CHST12: variants seen among roughly 807,000 people sequenced by gnomAD.
CHST12 encodes the protein carbohydrate (chondroitin 4) sulfotransferase 12.
CHST12 carries 23 observed loss-of-function variants against 27.9 expected under a neutral mutation model. The observed-to-expected ratio is 0.82, with a 90% CI of 0.59 to 1.17. The LOEUF (loss-of-function observed/expected upper bound fraction) is 1.17. CHST12 is among the 50% of genes most tolerant of loss of function. The pLI is 0.00. For missense variants in CHST12, 682 were observed against 603.0 expected (o/e 1.13, Z -1.37); for synonymous variants, 322 against 273.0 (o/e 1.18, Z -1.77).
At chr7:2,427,660 A>G (rs997191232) in intron 1 of CHST12, among the ~76,000 whole-genome samples, 2 of 152,036 alleles carry the variant, frequency 1.3e-5, no homozygotes, top group Non-Finnish European at 2.9e-5. Context: ...CCTCTTTGCT[A>G]AGTTTGCTGA....
Position 2,433,836 on chromosome 7 carries a change from C to G in CHST12, c.1197C>G (p.Asp399Glu), listed in dbSNP as rs1782386470. The G allele has an allele frequency of 6.2e-7, 1 of 1,602,208 alleles. No homozygotes were observed. Among genetic ancestry groups the G allele is most frequent in the Non-Finnish European group, 8.5e-7 (1 of 1,171,230 alleles). The change falls in exon 2 of 2, where the codon GAC becomes GAG. Residue 399 changes from aspartate to glutamate, a missense_variant. Asp to Glu is a conservative substitution (Grantham distance 45). Transcript: ENST00000618655. The surrounding 1 kb of genome is among the most constrained non-coding windows in gnomAD (Gnocchi z 6.1). ...RQQLYKLYEA[D>E]FVLFGYPKPE... The stretch of plus-strand genomic sequence containing the variant: ...AGCTGTATAAACTCTACGAGGCCGA[C>G]TTTGTTCTCTTCGGCTACCCCAAGC...
At chr7:2,408,293 C>T (rs138548547) in intron 1 of CHST12, among the ~76,000 whole-genome samples, 1,634 of 140,930 alleles carry the variant, frequency 0.012, 34 homozygotes, top group African/African-American at 0.042. Context: ...ACCTGGGAGG[C>T]GGAGGTAACG....
At chr7:2,416,626 G>T (rs1781815497) in intron 1 of CHST12, among the ~76,000 whole-genome samples, 1 of 152,216 alleles carries the variant, frequency 6.6e-6, no homozygotes, top group African/African-American at 2.4e-5. Context: ...AGTCGATTTA[G>T]AGGTGTATTT....
chr7:2,432,758 T>C lies in CHST12; in HGVS notation c.119T>C (p.Phe40Ser). The C allele has an allele frequency of 6.2e-7, 1 of 1,613,710 alleles. No individual in the cohort carries two copies. Among genetic ancestry groups the C allele is most frequent in the Non-Finnish European group, 8.5e-7 (1 of 1,179,792 alleles). ...GCGCACTTCTACTTGCACACGTCCT[T>C]CTCTAGGCCGCACACGGGGCCGCCG... ...GAAHFYLHTS[F>S]SRPHTGPPLP... Residue 40 changes from phenylalanine to serine, a missense_variant, in exon 2 of 2, where the codon TTC becomes TCC. By Grantham distance (155) the Phe-to-Ser change is radical. Transcript: ENST00000618655.
At chr7:2,431,414 C>T (rs1425207185) in intron 1 of CHST12, among the ~76,000 whole-genome samples, 1 of 152,218 alleles carries the variant, frequency 6.6e-6, no homozygotes, top group African/African-American at 2.4e-5. Context: ...CACCTCACGC[C>T]ATGTCATGGG....
At chr7:2,406,619 G>A (rs1261887517) in intron 1 of CHST12, among the ~76,000 whole-genome samples, 1 of 152,122 alleles carries the variant, frequency 6.6e-6, no homozygotes, top group African/African-American at 2.4e-5. Context: ...GCTTTTCCCT[G>A]TAGACAGGAG....
chr7:2,426,548 G>A (rs1034773773), intron 1 of CHST12, among the ~76,000 whole-genome samples: 2 of 152,132 alleles, frequency 1.3e-5, no homozygotes, highest in East Asian at 1.9e-4. Flanking sequence ...GGGCAGGGGC[G>A]GGTAGACAGA....
In CHST12 at chr7:2,436,601, G is replaced by A. The variant is rs958293213; in HGVS notation, c.*2717G>A. On this transcript the variant is annotated 3_prime_UTR_variant, in exon 2 of 2. Transcript: ENST00000618655. ...ACAGGGTGTCAGTGAATCTGCTGAGGGCTTGTTTTCCGTATTCTGGGCATG... is the reference window on the plus strand; with the variant it reads ...ACAGGGTGTCAGTGAATCTGCTGAGAGCTTGTTTTCCGTATTCTGGGCATG... 1.3e-5 allele frequency: 2 copies of A among 152,292 alleles called. No individual in the cohort carries two copies. Among genetic ancestry groups the A allele is most frequent in the African/African-American group, 4.8e-5 (2 of 41,458 alleles). 9.4% of individuals were successfully genotyped at this position (152,292 alleles called of 1,614,324 possible). A position where few individuals can be genotyped will look rare whatever the true frequency, so the allele number is the denominator to read the frequency against.
intron 1 of CHST12, among the ~76,000 whole-genome samples, chr7:2,403,947 C>T (rs950479888): frequency 2.6e-5 from 4 of 152,100 alleles, no homozygotes; most frequent in African/African-American, 9.7e-5. Flanking sequence ...GCGCGTTCTG[C>T]GGCTCCTCGG....
rs144571580 is a variant in CHST12, at chr7:2,433,647, C to G, written c.1008C>G (p.Tyr336Ter). 33 of 1,613,650 alleles carry G rather than the reference C, an allele frequency of 2.0e-5. No individual in the cohort carries two copies. Among genetic ancestry groups the G allele is most frequent in the Non-Finnish European group, 2.1e-5 (25 of 1,179,958 alleles). ...YRLCHPCQIDYDFVGKLETLD... is the reference protein window; with the variant it reads ...YRLCHPCQID Reference sequence around the variant, plus strand: ...TCTGCCACCCGTGCCAGATCGACTACGACTTCGTGGGGAAGCTGGAGACTC... The same window carrying G: ...TCTGCCACCCGTGCCAGATCGACTAGGACTTCGTGGGGAAGCTGGAGACTC... The change falls in exon 2 of 2, where the codon TAC becomes TAG. Residue 336 changes from tyrosine (Y) to a stop codon, truncating the protein, a stop_gained. Coordinates refer to ENST00000618655, the MANE Select transcript of CHST12 (RefSeq NM_018641.5). LOFTEE classifies it high-confidence loss of function. This position sits in a 1 kb window ranked among gnomAD's most constrained non-coding sequence, Gnocchi z 6.1.
At position 2,438,782 on chromosome 7, in the gene CHST12, G is replaced by A. The variant is rs1393078940; in HGVS notation, c.*4898G>A. 6.6e-6 allele frequency: 1 copy of A among 152,268 alleles called. No individual in the cohort carries two copies. The highest frequency in any genetic ancestry group is 1.5e-5 in the Non-Finnish European group (1 of 68,074). 9.4% of individuals were successfully genotyped at this position (152,268 alleles called of 1,614,324 possible). A position where few individuals can be genotyped will look rare whatever the true frequency, so the allele number is the denominator to read the frequency against. On this transcript the variant is annotated 3_prime_UTR_variant, in exon 2 of 2. Coordinates refer to ENST00000618655, the MANE Select transcript of CHST12 (RefSeq NM_018641.5). ...CCCTCTCCCTTACCCTAGGAGGGCT[G>A]AGTCAGGCCTCCCTACCCAGGCCCA... is the stretch of plus-strand genomic sequence containing the variant.
intron 1 of CHST12, among the ~76,000 whole-genome samples, chr7:2,409,334 G>C (rs952367132): frequency 6.6e-6 from 1 of 152,194 alleles, no homozygotes; most frequent in Admixed American, 6.5e-5. Flanking sequence ...TATGGAGCGG[G>C]TAGGGCGTGG....
At chr7:2,403,586 G>A (rs1186588752), upstream of CHST12, 4 of 151,312 alleles carry the variant, frequency 2.6e-5, no homozygotes, top group Non-Finnish European at 4.4e-5. Context: ...CGGGGCCGGC[G>A]AGGGCTGCCT....
rs1302543144 is a variant in CHST12, at chr7:2,441,732, TAGA to T, written c.*7851_*7853del. The T allele has an allele frequency of 2.0e-5, 3 of 151,234 alleles. No homozygotes were observed. Among genetic ancestry groups the T allele is most frequent in the Non-Finnish European group, 4.4e-5 (3 of 67,868 alleles). The allele number at this position is 151,234 out of a possible 1,614,324, so 9.4% of individuals were successfully genotyped here. On this transcript the variant is annotated 3_prime_UTR_variant, in exon 2 of 2. Transcript: ENST00000618655. ...AAAAAAAGGTGTTGTATTTTATCAT[TAGA>T]AGGCCATCCTGTTTAGAAGAGTGGG...
At chr7:2,426,710 G>C (rs911927891) in intron 1 of CHST12, among the ~76,000 whole-genome samples, 1 of 151,924 alleles carries the variant, frequency 6.6e-6, no homozygotes, top group African/African-American at 2.4e-5. Context: ...GAGACATACA[G>C]TCCGGGTGTG....
intron 1 of CHST12, among the ~76,000 whole-genome samples, chr7:2,408,860 T>G (rs1781593088): frequency 6.6e-6 from 1 of 152,144 alleles, no homozygotes; most frequent in Admixed American, 6.5e-5. Context: ...GGTGCTGGTG[T>G]GAAGAGCAGA....
intron 1 of CHST12, among the ~76,000 whole-genome samples, chr7:2,429,859 T>C (rs1292307122): frequency 6.6e-6 from 1 of 152,080 alleles, no homozygotes; most frequent in Non-Finnish European, 1.5e-5. Context: ...CTCGGCTTAC[T>C]GCAGCCTTGA....
chr7:2,405,094 G>A (rs1410514267), intron 1 of CHST12, among the ~76,000 whole-genome samples: 1 of 152,176 alleles, frequency 6.6e-6, no homozygotes. Flanking sequence ...GATGTTTGGG[G>A]GAGATGGTGG....
rs888486428 is a variant in CHST12 at position 2,434,195 on chromosome 7, G to C, written c.*311G>C. The stretch of plus-strand genomic sequence containing the variant: ...CCGGGAGGGGATGCTGAGGCTGATG[G>C]AGCTGCCTCCAGGGCTAGGGCCACT... On this transcript the variant is annotated 3_prime_UTR_variant, in exon 2 of 2. Coordinates refer to ENST00000618655, the MANE Select transcript of CHST12 (RefSeq NM_018641.5). 4.1e-6 allele frequency: 1 copy of C among 244,044 alleles called. No homozygotes were observed. Among genetic ancestry groups the C allele is most frequent in the African/African-American group, 2.3e-5 (1 of 43,996 alleles). 15.1% of individuals were successfully genotyped at this position (244,044 alleles called of 1,614,324 possible). A position where few individuals can be genotyped will look rare whatever the true frequency, so the allele number is the denominator to read the frequency against.
Sources: gnomAD v4.1 joint callset for allele counts (sites outside exome capture counted in the v4.1 genomes callset) on GRCh38, gnomAD v4.1.1 for gene constraint, Gnocchi (gnomAD v3.1) non-coding constraint, MANE v1.5 for transcripts, NCBI Gene and HGNC (gene_info 2026-07-23, HGNC 2026-07-21) for gene names.